The following RHBDD1 variants were observed in gnomAD, a reference collection of about 807,000 sequenced individuals.
RHBDD1 encodes rhomboid domain containing 1, also known as rhomboid-related protein 4.
RHBDD1 carries 38 observed loss-of-function variants against 36.3 expected under a neutral mutation model. That is an observed-to-expected ratio of 1.05 (90% confidence interval 0.81 to 1.37). The LOEUF is 1.37. Among genes scored for constraint, RHBDD1 ranks in the 40% most tolerant of loss-of-function variants. The pLI, the probability that RHBDD1 is intolerant of heterozygous loss-of-function variation, is 0.00. For missense variants in RHBDD1, 393 were observed against 377.6 expected, an observed-to-expected ratio of 1.04 and a Z score of -0.34; for synonymous variants, 151 against 136.5, an observed-to-expected ratio of 1.11 and a Z score of -0.74.
the RHBDD1 span, among the ~76,000 whole-genome samples, chr2:226,812,876 C>T: frequency 3.3e-5 from 5 of 152,152 alleles, no homozygotes; most frequent in African/African-American, 1.2e-4. Context: ...GAGATGTATA[C>T]ATAAATATCA....
At chr2:226,898,527 C>T (rs1045995885) in intron 5 of RHBDD1, among the ~76,000 whole-genome samples, 3 of 152,038 alleles carry the variant, frequency 2.0e-5, no homozygotes, top group Non-Finnish European at 2.9e-5. Flanking sequence ...GGTTTTACTT[C>T]TGAGGACAAA....
At chr2:226,962,264 A>G (rs1243567982) in intron 8 of RHBDD1, among the ~76,000 whole-genome samples, 1 of 152,256 alleles carries the variant, frequency 6.6e-6, no homozygotes, top group Non-Finnish European at 1.5e-5. Flanking sequence ...TCAATTCCCA[A>G]GGCTCATTGT....
At chr2:226,873,289 A>G (rs1944940209) in intron 5 of RHBDD1, among the ~76,000 whole-genome samples, 1 of 152,230 alleles carries the variant, frequency 6.6e-6, no homozygotes, top group African/African-American at 2.4e-5. Context: ...AACCAAATGT[A>G]TCCTCAACTC....
At chr2:226,910,061 T>G (rs562674979) in intron 7 of RHBDD1, among the ~76,000 whole-genome samples, 1 of 152,322 alleles carries the variant, frequency 6.6e-6, no homozygotes, top group African/African-American at 2.4e-5. Flanking sequence ...CAATAGAATC[T>G]TATTCCTAGC....
intron 6 of RHBDD1, among the ~76,000 whole-genome samples, chr2:226,907,914 A>G (rs1290766538): frequency 6.6e-6 from 1 of 152,128 alleles, no homozygotes; most frequent in Non-Finnish European, 1.5e-5. Context: ...GATAAAAGAG[A>G]TGATTCTCGG....
chr2:226,993,241 CTG>C (rs577622167), intron 8 of RHBDD1, among the ~76,000 whole-genome samples: 16 of 152,226 alleles, frequency 1.1e-4, no homozygotes, highest in South Asian at 2.1e-4. Context: ...CCAGAGGACT[CTG>C]TGTTTCCCTC....
At chr2:226,901,481 A>C (rs1010077620) in intron 5 of RHBDD1, among the ~76,000 whole-genome samples, 1 of 152,228 alleles carries the variant, frequency 6.6e-6, no homozygotes, top group Non-Finnish European at 1.5e-5. Context: ...TAATAGCTGA[A>C]CCAATTTACA....
At chr2:226,991,383 C>T (rs901359001) in intron 8 of RHBDD1, among the ~76,000 whole-genome samples, 8 of 152,046 alleles carry the variant, frequency 5.3e-5, no homozygotes, top group Non-Finnish European at 8.8e-5. Flanking sequence ...GGTTTCACCA[C>T]GTTGGCCCGG....
chr2:226,827,630 A>G, the RHBDD1 span, among the ~76,000 whole-genome samples: 1 of 152,214 alleles, frequency 6.6e-6, no homozygotes, highest in Non-Finnish European at 1.5e-5. Context: ...CCAGCTCTAC[A>G]AAGTATTCTC....
rs547425643 is a variant in RHBDD1, at chr2:226,857,407, C to T, written c.-90-7197C>T. On this transcript the variant is annotated intron_variant, in intron 3 of 8. Transcript: ENST00000392062. Reference sequence around the variant, plus strand: ...CTCAGAAAGTTAAACATAAAGTCAACCATATGAGCCAGCAATTTCACTCTT... The same window carrying T: ...CTCAGAAAGTTAAACATAAAGTCAATCATATGAGCCAGCAATTTCACTCTT... Among the ~76,000 whole-genome samples the T allele has an allele frequency of 5.9e-5, 9 of 152,100 alleles. No individual in the cohort carries two copies. In the South Asian group the frequency reaches 1.5e-3, roughly 25 times the overall value.
chr2:226,859,250 G>C lies in RHBDD1; in HGVS notation c.-90-5354G>C, dbSNP rs536134376. ...AACTACAGATTGAAAATTTTTGGCGGGAGTGGGGTGGGAAATGGATGATTG... is the reference window on the plus strand; with the variant it reads ...AACTACAGATTGAAAATTTTTGGCGCGAGTGGGGTGGGAAATGGATGATTG... On this transcript the variant is annotated intron_variant, in intron 3 of 8. Transcript: ENST00000392062. Among the ~76,000 whole-genome samples, 254 of 152,286 alleles carry C rather than the reference G, an allele frequency of 1.7e-3. 3 individuals are homozygous for C. The South Asian group carries it at 0.043, about 26-fold the overall frequency.
At chr2:226,828,721 A>G in the RHBDD1 span, among the ~76,000 whole-genome samples, 1 of 152,318 alleles carries the variant, frequency 6.6e-6, no homozygotes, top group Non-Finnish European at 1.5e-5. Flanking sequence ...TGAAGAATAT[A>G]TTCAAATCTT....
chr2:226,874,239 A>C (rs1006882749), intron 5 of RHBDD1, among the ~76,000 whole-genome samples: 30 of 152,170 alleles, frequency 2.0e-4, no homozygotes, highest in African/African-American at 6.8e-4. Flanking sequence ...GATTATCTGC[A>C]TGGACAGTGC....
At chr2:226,897,769 G>A (rs746014836) in intron 5 of RHBDD1, among the ~76,000 whole-genome samples, 2 of 152,040 alleles carry the variant, frequency 1.3e-5, no homozygotes, top group Non-Finnish European at 2.9e-5. Flanking sequence ...TCAGGAGTTC[G>A]AGACCAGCCT....
intron 3 of RHBDD1, among the ~76,000 whole-genome samples, chr2:226,848,418 C>G (rs1942446389): frequency 6.6e-6 from 1 of 152,120 alleles, no homozygotes; most frequent in Non-Finnish European, 1.5e-5. Flanking sequence ...TTTTGATAGT[C>G]AAAGTGTCAT....
At chr2:226,868,097 C>G (rs768002666) in intron 5 of RHBDD1, among the ~76,000 whole-genome samples, 4 of 152,166 alleles carry the variant, frequency 2.6e-5, no homozygotes, top group Non-Finnish European at 5.9e-5. Context: ...ACTTAACACT[C>G]AAAATGTGAA....
intron 3 of RHBDD1, among the ~76,000 whole-genome samples, chr2:226,858,746 T>C (rs967443478): frequency 6.6e-6 from 1 of 152,196 alleles, no homozygotes; most frequent in Non-Finnish European, 1.5e-5. Context: ...GCTTAGTCTT[T>C]CTTATTACAT....
chr2:226,850,870 T>G (rs1183578226), intron 3 of RHBDD1, among the ~76,000 whole-genome samples: 2 of 152,174 alleles, frequency 1.3e-5, no homozygotes, highest in East Asian at 1.9e-4. Context: ...TGAGACTTCT[T>G]TGGTGACCAT....
chr2:226,834,463 A>T (rs1022188695), upstream of RHBDD1, among the ~76,000 whole-genome samples: 4 of 152,228 alleles, frequency 2.6e-5, no homozygotes, highest in Admixed American at 2.6e-4. Context: ...TATGAGTCTT[A>T]ATGAACACGT....
Sources: allele counts gnomAD v4.1 joint callset (sites outside exome capture counted in the v4.1 genomes callset), GRCh38; gene constraint gnomAD v4.1.1; transcripts MANE v1.5; gene names NCBI Gene and HGNC (gene_info 2026-07-23, HGNC 2026-07-21).